The following MYH7B variants were observed in gnomAD, a reference collection of about 807,000 sequenced individuals.
MYH7B encodes myosin heavy chain 7B.
In MYH7B, 205 loss-of-function variants were observed where a neutral mutation model predicts 234.5. The ratio of observed to expected loss-of-function variants is 0.87; its 90% confidence interval spans 0.78 to 0.98. MYH7B has a LOEUF of 0.98. Ranked by LOEUF, MYH7B falls within the 50% of genes least tolerant of loss-of-function variation. The pLI is 0.00. For missense variants in MYH7B, 2,652 were observed against 2,633.4 expected (o/e 1.01, Z -0.15); for synonymous variants, 1,193 against 1,105.0 (o/e 1.08, Z -1.58).
At chr20:34,996,040 CT>C (rs1472455760) in intron 28 of MYH7B, among the ~76,000 whole-genome samples, 1 of 139,584 alleles carries the variant, frequency 7.2e-6, no homozygotes, top group East Asian at 2.1e-4. Flanking sequence ...CAGGTGCTCA[CT>C]GAGGAAGCCG....
At chr20:34,979,885 C>T in intron 7 of MYH7B, 81 bp downstream of exon 7, 1 of 1,457,314 alleles carries the variant, frequency 6.9e-7, no homozygotes, top group Admixed American at 1.9e-5. Flanking sequence ...GGGGCGGGCC[C>T]ATAGCGGTGG....
exon 36 of MYH7B, chr20:34,999,382 A>C: frequency 6.6e-7 from 1 of 1,525,236 alleles, no homozygotes; most frequent in Non-Finnish European, 8.8e-7. Flanking sequence ...GAGACGCTCA[A>C]GCGGGAGAAC....
chr20:34,985,246 C>T, intron 13 of MYH7B, 117 bp downstream of exon 13: 1 of 944,086 alleles, frequency 1.1e-6, no homozygotes, highest in Non-Finnish European at 1.7e-6. Context: ...TTCTCTCTAC[C>T]CCCTGGCTGC....
At chr20:34,956,167 T>G (rs923153006) in intron 1 of MYH7B, 160 bp downstream of exon 1, 2 of 152,072 alleles carry the variant, frequency 1.3e-5, no homozygotes, top group Non-Finnish European at 2.9e-5. Context: ...GGGCCCATAG[T>G]ACGTCAGGGG....
At position 34,998,546 on chromosome 20, in the gene MYH7B, C is replaced by G; in HGVS notation, c.3910C>G (p.Leu1304Val). ...TCGCCTGCTAGAGGAGAAGGAGTGT[C>G]TGATCAGTCAGCTGAGCCGTGGAAA... Residue 1304 changes from leucine to valine, a missense_variant, in exon 34 of 45, where the codon CTG becomes GTG. Leu to Val is a conservative substitution (Grantham distance 32). Coordinates refer to ENST00000262873, the Ensembl canonical transcript of MYH7B. The G allele has an allele frequency of 3.1e-6, 5 of 1,613,700 alleles. No individual in the cohort carries two copies. The highest frequency in any genetic ancestry group is 1.7e-5 in the Admixed American group (1 of 60,032).
At chr20:34,975,264 G>T in intron 2 of MYH7B, 136 bp from the exon 3 acceptor site, 1 of 450,376 alleles carries the variant, frequency 2.2e-6, no homozygotes. Context: ...GAGTGCAATG[G>T]TGTGATCTCG....
At chr20:34,983,852 T>C (rs2081977149) in intron 10 of MYH7B, among the ~76,000 whole-genome samples, 1 of 152,206 alleles carries the variant, frequency 6.6e-6, no homozygotes, top group African/African-American at 2.4e-5. Context: ...GGTATATCTG[T>C]TCCCTCCAGA....
At chr20:34,999,809 G>A (rs762216393) in exon 38 of MYH7B, 22 of 1,611,536 alleles carry the variant, frequency 1.4e-5, no homozygotes, top group Non-Finnish European at 1.9e-5. Context: ...GGAGCTGGAG[G>A]AGACCAAGAC....
intron 9 of MYH7B, 144 bp from the exon 10 acceptor site, chr20:34,982,315 A>T: frequency 2.9e-6 from 2 of 688,852 alleles, no homozygotes; most frequent in Non-Finnish European, 2.6e-6. Context: ...CTTGCTTTGT[A>T]CACCTCTGAG....
intron 2 of MYH7B, among the ~76,000 whole-genome samples, chr20:34,962,986 T>C (rs1191730823): frequency 2.0e-5 from 3 of 152,178 alleles, no homozygotes; most frequent in Non-Finnish European, 4.4e-5. Flanking sequence ...TAGTCCCAGC[T>C]ATTCAGGGAG....
chr20:34,981,193 C>G, intron 9 of MYH7B, 133 bp downstream of exon 9: 1 of 1,127,500 alleles, frequency 8.9e-7, no homozygotes, highest in Non-Finnish European at 1.3e-6. Context: ...AGCTAGTGTC[C>G]CAGCTGAAGC....
At chr20:34,991,257 T>A in intron 24 of MYH7B, 136 bp downstream of exon 24, 1 of 645,952 alleles carries the variant, frequency 1.5e-6, no homozygotes, top group Non-Finnish European at 2.6e-6. Flanking sequence ...TGGCCAGGTA[T>A]CCCAGCAAGA....
chr20:34,996,538 C>T lies in MYH7B; in HGVS notation c.3120+16C>T. On this transcript the variant is annotated intron_variant, in intron 29 of 44. Transcript: ENST00000262873. ...GGTGGAGGACGTGAGTCAGGGCCAC[C>T]CCGAGACTGGGTGGCGGGGCCGGGG... is the stretch of plus-strand genomic sequence containing the variant. 6.2e-7 allele frequency: 1 copy of T among 1,605,652 alleles called. No individual in the cohort carries two copies. Among genetic ancestry groups the T allele is most frequent in the South Asian group, 1.1e-5 (1 of 90,684 alleles).
intron 2 of MYH7B, among the ~76,000 whole-genome samples, chr20:34,974,226 CTTTT>C (rs1184689535): frequency 1.6e-5 from 2 of 123,390 alleles, no homozygotes; most frequent in African/African-American, 3.2e-5. Flanking sequence ...CATGCCCAGC[CTTTT>C]TTTTTTTTTT....
intron 14 of MYH7B, 61 bp downstream of exon 14, chr20:34,986,259 C>T: frequency 1.5e-6 from 2 of 1,369,528 alleles, no homozygotes; most frequent in Non-Finnish European, 1.0e-6. Flanking sequence ...CCTGGCGCTT[C>T]CTGGCCCCCA....
At chr20:34,980,123 G>A (rs2081920838) in intron 7 of MYH7B, 4 of 436,488 alleles carry the variant, frequency 9.2e-6, no homozygotes, top group Non-Finnish European at 1.3e-5. Context: ...GCACAAGTCA[G>A]GGGTGAGGCC....
At chr20:34,989,591 TG>T in intron 19 of MYH7B, 148 bp from the exon 20 acceptor site, 1 of 730,798 alleles carries the variant, frequency 1.4e-6, no homozygotes, top group Non-Finnish European at 2.2e-6. Context: ...GTTCTTGGAG[TG>T]GGTGTGGTGT....
exon 27 of MYH7B, chr20:34,994,207 T>C (rs1211953587): frequency 1.9e-6 from 3 of 1,613,390 alleles, no homozygotes; most frequent in Admixed American, 1.7e-5. Flanking sequence ...GAACTGGTCA[T>C]GGATGAAGCT....
chr20:34,984,554 G>C, intron 10 of MYH7B, 138 bp from the exon 11 acceptor site: 1 of 744,926 alleles, frequency 1.3e-6, no homozygotes, highest in Non-Finnish European at 2.3e-6. Context: ...GAGGGGCTGA[G>C]GGTGGGGGCC....
Sources: allele counts gnomAD v4.1 joint callset (sites outside exome capture counted in the v4.1 genomes callset), GRCh38; gene constraint gnomAD v4.1.1; transcripts MANE v1.5; gene names NCBI Gene and HGNC (gene_info 2026-07-23, HGNC 2026-07-21).